The following TRPC7 variants were observed in gnomAD, a reference collection of about 807,000 sequenced individuals.
TRPC7 encodes the protein transient receptor potential cation channel subfamily C member 7, also known as short transient receptor potential channel 7.
Under a neutral mutation model 90.1 loss-of-function variants are expected in TRPC7, and 42 were observed. The observed-to-expected ratio is 0.47, with a 90% CI of 0.36 to 0.60. The LOEUF (loss-of-function observed/expected upper bound fraction) is 0.60, where lower values mean the gene tolerates loss of function less well. TRPC7 is among the 20% of genes least tolerant of loss of function. The pLI is 0.00. For missense variants in TRPC7, 955 were observed against 1,112.3 expected (o/e 0.86, Z 2.01); for synonymous variants, 451 against 436.3 (o/e 1.03, Z -0.42).
intron 3 of TRPC7, among the ~76,000 whole-genome samples, chr5:136,287,723 A>AAAAAAAACC (rs1554113179): frequency 3.1e-5 from 4 of 127,662 alleles, no homozygotes; most frequent in Non-Finnish European, 5.1e-5. Context: ...AAAAAAAAAA[A>AAAAAAAACC]AAAAAACCCA....
intron 10 of TRPC7, among the ~76,000 whole-genome samples, chr5:136,221,091 ATGTG>A (rs925069517): frequency 6.9e-5 from 10 of 143,940 alleles, no homozygotes; most frequent in South Asian, 2.3e-4. Flanking sequence ...TGTGGGGGAA[ATGTG>A]TGTGTGTGTG....
intron 7 of TRPC7, among the ~76,000 whole-genome samples, chr5:136,239,737 C>T (rs1756097592): frequency 6.6e-6 from 1 of 152,260 alleles, no homozygotes; most frequent in Admixed American, 6.5e-5. Context: ...GCCAGAGCCT[C>T]CCAGGCGATC....
Position 136,285,035 on chromosome 5 carries a change from T to C in TRPC7, c.964-10198A>G, listed in dbSNP as rs567443997. ...CACTTGGCATGGTAAAGGGCACAGA[T>C]TAAGAACTTAAAACATTGTTGTTAT... On this transcript the variant is annotated intron_variant, in intron 3 of 11. Coordinates refer to ENST00000513104, the MANE Select transcript of TRPC7 (RefSeq NM_020389.3). Among the ~76,000 whole-genome samples the C allele has an allele frequency of 2.0e-5, 3 of 152,306 alleles. No individual in the cohort carries two copies. In the South Asian group the frequency reaches 6.2e-4, roughly 32 times the overall value.
chr5:136,294,169 G>T (rs974756356), intron 3 of TRPC7, among the ~76,000 whole-genome samples: 2 of 152,100 alleles, frequency 1.3e-5, no homozygotes, highest in Non-Finnish European at 2.9e-5. Context: ...TAAATGTTAG[G>T]CCTAAAACCA....
chr5:136,272,648 A>C (rs1194984718), intron 4 of TRPC7, among the ~76,000 whole-genome samples: 1 of 152,122 alleles, frequency 6.6e-6, no homozygotes, highest in Non-Finnish European at 1.5e-5. Flanking sequence ...TGATCAGTTC[A>C]TGTCTATCTT....
chr5:136,303,319 T>C (rs1758471997), intron 3 of TRPC7, among the ~76,000 whole-genome samples: 1 of 152,164 alleles, frequency 6.6e-6, no homozygotes, highest in Non-Finnish European at 1.5e-5. Flanking sequence ...TACATTTTAT[T>C]ACCCAATCTG....
intron 5 of TRPC7, among the ~76,000 whole-genome samples, chr5:136,264,965 A>C (rs1199549246): frequency 1.3e-5 from 2 of 152,078 alleles, no homozygotes; most frequent in Non-Finnish European, 2.9e-5. Flanking sequence ...AAAACCATTC[A>C]TCTCATCTTC....
chr5:136,320,376 G>T (rs1759155015), intron 2 of TRPC7, among the ~76,000 whole-genome samples: 2 of 152,108 alleles, frequency 1.3e-5, no homozygotes, highest in South Asian at 4.1e-4. Flanking sequence ...CTCTGTCCTT[G>T]TCCTGTGTAG....
chr5:136,306,899 T>C (rs909439949), intron 3 of TRPC7, among the ~76,000 whole-genome samples: 3 of 152,202 alleles, frequency 2.0e-5, no homozygotes, highest in African/African-American at 2.4e-5. Flanking sequence ...TAAGAACTAA[T>C]GATAATCCAC....
chr5:136,297,024 C>T (rs916982555), intron 3 of TRPC7, among the ~76,000 whole-genome samples: 32 of 152,208 alleles, frequency 2.1e-4, no homozygotes, highest in Admixed American at 1.3e-4. Flanking sequence ...CTGCAAGTCC[C>T]TAAACGTGAT....
At chr5:136,230,085 T>G (rs1316370653) in intron 8 of TRPC7, among the ~76,000 whole-genome samples, 1 of 152,252 alleles carries the variant, frequency 6.6e-6, no homozygotes. Context: ...TATTCTAAAG[T>G]GTGACTATAT....
chr5:136,347,782 A>G (rs537995817), intron 2 of TRPC7, among the ~76,000 whole-genome samples: 1 of 152,328 alleles, frequency 6.6e-6, no homozygotes, highest in South Asian at 2.1e-4. Flanking sequence ...TTACAGGAGA[A>G]GTTAAAGAGC....
chr5:136,219,873 T>G lies in TRPC7; in HGVS notation c.2344-3598A>C, dbSNP rs559121736. On this transcript the variant is annotated intron_variant, in intron 10 of 11. Coordinates refer to ENST00000513104, the MANE Select transcript of TRPC7 (RefSeq NM_020389.3). Reference sequence around the variant, plus strand: ...AAACCAGTTTTGCCACCAGAAAGCCTGAAATGGTTGGAGAAATGGCCAAAA... The same window carrying G: ...AAACCAGTTTTGCCACCAGAAAGCCGGAAATGGTTGGAGAAATGGCCAAAA... Among the ~76,000 whole-genome samples, 14 of 152,338 alleles carry G rather than the reference T, an allele frequency of 9.2e-5. No individual in the cohort carries two copies. In the South Asian group the frequency reaches 2.9e-3, roughly 32 times the overall value.
chr5:136,299,077 T>C, intron 3 of TRPC7, among the ~76,000 whole-genome samples: 1 of 150,070 alleles, frequency 6.7e-6, no homozygotes, highest in Admixed American at 6.6e-5. Context: ...AAGTTGGGGG[T>C]GGTCACCTGA....
In TRPC7 at chr5:136,357,123, C is replaced by T; in HGVS notation, c.265G>A (p.Glu89Lys). 1 of 1,614,122 alleles carries T rather than the reference C, an allele frequency of 6.2e-7. No individual in the cohort carries two copies. Among genetic ancestry groups the T allele is most frequent in the Non-Finnish European group, 8.5e-7 (1 of 1,180,026 alleles). Reference protein sequence around the residue: ...QNALQLAVGNEHLEVTELLLK... With the variant: ...QNALQLAVGNKHLEVTELLLK... ...AGCAGCTCCGTGACCTCTAGGTGCT[C>T]GTTGCCCACGGCCAGCTGCAGAGCG... Residue 89 changes from glutamate (E) to lysine (K), a missense_variant, in exon 2 of 12, where the codon GAG (glutamate) becomes AAG (lysine). By Grantham distance (56) the Glu-to-Lys change is moderately conservative (BLOSUM62 1). Around this residue, in one of 4 missense-constraint regions of TRPC7, gnomAD observed 161 missense variants for 145.7 expected, o/e 1.10. Coordinates refer to ENST00000513104, the MANE Select transcript of TRPC7 (RefSeq NM_020389.3).
chr5:136,334,502 G>A (rs1396580023), intron 2 of TRPC7, among the ~76,000 whole-genome samples: 4 of 152,058 alleles, frequency 2.6e-5, no homozygotes, highest in South Asian at 2.1e-4. Context: ...CCCAAGTCTG[G>A]GCTGACACTC....
chr5:136,230,461 G>C (rs554337944), intron 8 of TRPC7, among the ~76,000 whole-genome samples: 1 of 152,222 alleles, frequency 6.6e-6, no homozygotes, highest in South Asian at 2.1e-4. Context: ...ACACAAGAGA[G>C]AGCCCACTAT....
At chr5:136,224,659 G>A (rs1397093181) in intron 10 of TRPC7, among the ~76,000 whole-genome samples, 1 of 152,170 alleles carries the variant, frequency 6.6e-6, no homozygotes, top group Non-Finnish European at 1.5e-5. Context: ...GTCCCCACCT[G>A]TCTCTTCTCA....
chr5:136,290,305 G>A (rs952216448), intron 3 of TRPC7, among the ~76,000 whole-genome samples: 36 of 152,186 alleles, frequency 2.4e-4, no homozygotes, highest in African/African-American at 7.7e-4. Context: ...TGACTTTGAC[G>A]AATTGAGAGA....
Sources: gnomAD v4.1 joint callset for allele counts (sites outside exome capture counted in the v4.1 genomes callset) on GRCh38, gnomAD v4.1.1 for gene constraint, gnomAD v4.1.1 regional missense constraint, MANE v1.5 for transcripts, NCBI Gene and HGNC (gene_info 2026-07-23, HGNC 2026-07-21) for gene names.